ZMAT4: variants seen among roughly 807,000 people sequenced by gnomAD.
ZMAT4 encodes zinc finger matrin-type 4, also known as zinc finger matrin-type protein 4.
A neutral mutation model predicts 28.7 loss-of-function variants in ZMAT4; 17 were observed. The ratio of observed to expected loss-of-function variants is 0.59; its 90% CI spans 0.41 to 0.89. The LOEUF (loss-of-function observed/expected upper bound fraction) is 0.89, where lower values mean the gene tolerates loss of function less well. Ranked by LOEUF, ZMAT4 falls within the 40% of genes least tolerant of loss-of-function variation. The pLI, the probability that ZMAT4 is intolerant of heterozygous loss-of-function variation, is 0.00. For synonymous variants in ZMAT4, 117 were observed against 109.2 expected, an observed-to-expected ratio of 1.07 and a Z score of -0.44; for missense variants, 240 against 283.8, an observed-to-expected ratio of 0.85 and a Z score of 1.11.
At chr8:40,805,889 T>A (rs2150591471) in intron 2 of ZMAT4, among the ~76,000 whole-genome samples, 1 of 151,834 alleles carries the variant, frequency 6.6e-6, no homozygotes, top group South Asian at 2.1e-4. Context: ...TGTATACACA[T>A]GTAACTAACC....
intron 3 of ZMAT4, among the ~76,000 whole-genome samples, chr8:40,721,270 T>C (rs1210449751): frequency 7.0e-6 from 1 of 143,280 alleles, no homozygotes; most frequent in African/African-American, 2.6e-5. Context: ...AGAATGATGA[T>C]TTCCAATTTC....
At chr8:40,855,813 C>A (rs1050836319) in intron 1 of ZMAT4, among the ~76,000 whole-genome samples, 1 of 151,902 alleles carries the variant, frequency 6.6e-6, no homozygotes, top group African/African-American at 2.4e-5. Flanking sequence ...GTAGCTGGGA[C>A]TACAGGTGCA....
chr8:40,766,059 T>C (rs1256715492), intron 3 of ZMAT4, among the ~76,000 whole-genome samples: 1 of 152,146 alleles, frequency 6.6e-6, no homozygotes, highest in Non-Finnish European at 1.5e-5. Context: ...ACGAAATTGG[T>C]ATCCTCCTCC....
At chr8:40,561,167 A>G (rs554061061) in intron 6 of ZMAT4, among the ~76,000 whole-genome samples, 1 of 152,306 alleles carries the variant, frequency 6.6e-6, no homozygotes, top group Non-Finnish European at 1.5e-5. Context: ...TGTTAATAAA[A>G]TAAGCTCATT....
chr8:40,763,111 C>T (rs932313401), intron 3 of ZMAT4, among the ~76,000 whole-genome samples: 1 of 152,194 alleles, frequency 6.6e-6, no homozygotes, highest in Admixed American at 6.5e-5. Context: ...GGACCCTTCA[C>T]CATGCCCAGG....
At chr8:40,611,916 G>A (rs1236154462) in intron 5 of ZMAT4, among the ~76,000 whole-genome samples, 1 of 152,118 alleles carries the variant, frequency 6.6e-6, no homozygotes, top group Admixed American at 6.5e-5. Flanking sequence ...TTAGGGTCTG[G>A]AAACTACAGA....
intron 2 of ZMAT4, among the ~76,000 whole-genome samples, chr8:40,773,661 AG>A (rs1488908844): frequency 2.0e-5 from 3 of 152,224 alleles, no homozygotes; most frequent in South Asian, 4.1e-4. Flanking sequence ...ACAGGGTAAA[AG>A]CTGAAAGATG....
intron 6 of ZMAT4, among the ~76,000 whole-genome samples, chr8:40,569,929 A>G (rs1379748207): frequency 6.6e-6 from 1 of 152,216 alleles, no homozygotes; most frequent in Non-Finnish European, 1.5e-5. Context: ...TTAAACTTTA[A>G]GGTCATAATA....
chr8:40,696,903 A>G (rs1809913328), intron 4 of ZMAT4: 1 of 179,306 alleles, frequency 5.6e-6, no homozygotes, highest in Non-Finnish European at 1.2e-5. Flanking sequence ...TGCATGATCC[A>G]CACTAATTGC....
chr8:40,767,687 T>C lies in ZMAT4; in HGVS notation c.146A>G (p.His49Arg). ...ASKVRLYYML[H>R]PRDGGCPAKR... ...GGCAGGACACCCTCCATCCCTGGGG[T>C]GAAGCATGTAATACAGTCGGACTTT... The change falls in exon 3 of 7, where the codon CAC (histidine) becomes CGC (arginine). Residue 49 changes from histidine to arginine, a missense_variant. Coordinates refer to ENST00000297737, the MANE Select transcript of ZMAT4 (RefSeq NM_024645.3). 6.2e-7 allele frequency: 1 copy of C among 1,613,150 alleles called. No individual in the cohort carries two copies.
intron 5 of ZMAT4, among the ~76,000 whole-genome samples, chr8:40,629,010 T>C (rs115662218): frequency 0.2 from 30,745 of 150,784 alleles, 3,222 homozygotes; most frequent in Middle Eastern, 0.27. Context: ...TTCTTTTCTT[T>C]TTTTTTTTTT....
At chr8:40,799,596 G>C (rs957173385) in intron 2 of ZMAT4, among the ~76,000 whole-genome samples, 3 of 152,122 alleles carry the variant, frequency 2.0e-5, no homozygotes, top group Non-Finnish European at 4.4e-5. Flanking sequence ...TTTTTAAAAT[G>C]TAAAGGAAAA....
intron 6 of ZMAT4, among the ~76,000 whole-genome samples, chr8:40,572,990 G>A (rs1158833865): frequency 6.6e-6 from 1 of 152,138 alleles, no homozygotes; most frequent in African/African-American, 2.4e-5. Context: ...TAACTTCTCT[G>A]AGACTCAATT....
intron 1 of ZMAT4, among the ~76,000 whole-genome samples, chr8:40,845,116 C>T (rs1324550722): frequency 2.0e-5 from 3 of 152,176 alleles, no homozygotes; most frequent in Non-Finnish European, 2.9e-5. Context: ...GGTAGAATAT[C>T]AATCACCAAT....
chr8:40,786,523 C>T (rs1026913867), intron 2 of ZMAT4, among the ~76,000 whole-genome samples: 8 of 152,098 alleles, frequency 5.3e-5, no homozygotes, highest in African/African-American at 1.9e-4. Flanking sequence ...AATATACCTC[C>T]TTAAGTAATC....
At chr8:40,870,134 T>C (rs1586196708) in intron 1 of ZMAT4, among the ~76,000 whole-genome samples, 1 of 152,324 alleles carries the variant, frequency 6.6e-6, no homozygotes, top group African/African-American at 2.4e-5. Flanking sequence ...ATCTGATGAG[T>C]GAATGTATCT....
chr8:40,637,350 A>C (rs891802355), intron 5 of ZMAT4, among the ~76,000 whole-genome samples: 2 of 152,220 alleles, frequency 1.3e-5, no homozygotes, highest in African/African-American at 4.8e-5. Context: ...AATCAGAATT[A>C]TTGACAGTGA....
In ZMAT4 at chr8:40,709,037, A is replaced by G. The variant is rs568837068; in HGVS notation, c.193-11636T>C. On this transcript the variant is annotated intron_variant, in intron 3 of 6. Coordinates refer to ENST00000297737, the MANE Select transcript of ZMAT4 (RefSeq NM_024645.3). ...AGTCATCCTTCAGTATCCATGGGGA[A>G]TTGGTTCCAGGACCCCCTACAGTTG... Among the ~76,000 whole-genome samples, 6 of 152,266 alleles carry G rather than the reference A, an allele frequency of 3.9e-5. No homozygotes were observed. The East Asian group carries it at 9.6e-4, about 24-fold the overall frequency.
chr8:40,704,618 A>G (rs1810278076), intron 3 of ZMAT4, among the ~76,000 whole-genome samples: 1 of 152,232 alleles, frequency 6.6e-6, no homozygotes, highest in African/African-American at 2.4e-5. Context: ...TAAGAACTTT[A>G]GAAGTTATCC....
Sources: gnomAD v4.1 joint callset for allele counts (sites outside exome capture counted in the v4.1 genomes callset) on GRCh38, gnomAD v4.1.1 for gene constraint, MANE v1.5 for transcripts, NCBI Gene and HGNC (gene_info 2026-07-23, HGNC 2026-07-21) for gene names.